The following BIN3 variants were observed in gnomAD, a reference collection of about 807,000 sequenced individuals.
BIN3 encodes bridging integrator 3.
In BIN3, 41 loss-of-function variants were observed where a neutral mutation model predicts 38.2. The ratio of observed to expected loss-of-function variants is 1.07; its 90% confidence interval spans 0.84 to 1.39. The LOEUF is 1.39. BIN3 is among the 40% of genes most tolerant of loss of function. The pLI is 0.00. For missense variants in BIN3, 361 were observed against 324.3 expected (o/e 1.11, Z -0.87); for synonymous variants, 145 against 122.6 (o/e 1.18, Z -1.21).
At chr8:22,654,834 C>T (rs1803006584) in intron 1 of BIN3, among the ~76,000 whole-genome samples, 1 of 152,150 alleles carries the variant, frequency 6.6e-6, no homozygotes, top group Non-Finnish European at 1.5e-5. Context: ...TTCTCTTGGG[C>T]ATATATCTAG....
chr8:22,643,151 A>T (rs1397411439), intron 2 of BIN3, among the ~76,000 whole-genome samples: 2 of 152,084 alleles, frequency 1.3e-5, no homozygotes, highest in East Asian at 3.9e-4. Flanking sequence ...CATGGATTAA[A>T]CTCTGGAGAC....
rs372090933 is a variant in BIN3 at position 22,630,499 on chromosome 8, G to A, written c.240C>T (p.Asn80=). 1.9e-6 allele frequency: 3 copies of A among 1,613,924 alleles called. No homozygotes were observed. The highest frequency in any genetic ancestry group is 2.5e-6 in the Non-Finnish European group (3 of 1,179,900). Residue 80 remains asparagine (N), a synonymous_variant, in exon 5 of 9, where the codon AAC becomes AAT. Transcript: ENST00000276416. ...PLCEQDQDLL[N]MVTALDTAMK... is the part of the protein sequence containing the mutation. ...TGGCCGTGTCCAGGGCCGTCACCATGTTCAGAAGGTCCTGGTCTTGCTCAC... is the reference window on the plus strand; with the variant it reads ...TGGCCGTGTCCAGGGCCGTCACCATATTCAGAAGGTCCTGGTCTTGCTCAC...
rs1289520021 is a variant in BIN3, at chr8:22,623,986, C to A, written c.544G>T (p.Glu182Ter). ...CGGCTGCCGTAGAAGCGCGGCATCT[C>A]CTCCAGCAGCTGCCTGTTCTTGGCT... is the stretch of plus-strand genomic sequence containing the variant. ...FEAKNRQLLE[E>*]MPRFYGSRLD... Residue 182 changes from glutamate (E) to a stop codon, truncating the protein, a stop_gained, in exon 8 of 9, where the codon GAG becomes TAG. Transcript: ENST00000276416. LOFTEE classifies it high-confidence loss of function. 6.2e-7 allele frequency: 1 copy of A among 1,612,762 alleles called. No individual in the cohort carries two copies.
intron 1 of BIN3, among the ~76,000 whole-genome samples, chr8:22,660,628 C>T (rs945028027): frequency 2.6e-5 from 4 of 152,082 alleles, no homozygotes; most frequent in East Asian, 1.9e-4. Context: ...GCGGGGGGCG[C>T]GGGCAAACGT....
intron 1 of BIN3, among the ~76,000 whole-genome samples, chr8:22,648,295 C>T (rs983378976): frequency 6.6e-6 from 1 of 152,122 alleles, no homozygotes; most frequent in African/African-American, 2.4e-5. Context: ...ATCCTTTCTT[C>T]AGACCTCCTC....
intron 3 of BIN3, 24 bp from the exon 4 acceptor site, chr8:22,636,610 T>G: frequency 7.7e-6 from 12 of 1,550,708 alleles, no homozygotes; most frequent in Non-Finnish European, 1.0e-5. Context: ...GACGGGCTGC[T>G]TGGGGTCCCC....
At chr8:22,659,208 C>T (rs1465323705) in intron 1 of BIN3, among the ~76,000 whole-genome samples, 1 of 152,202 alleles carries the variant, frequency 6.6e-6, no homozygotes. Context: ...AGGCGGAGAC[C>T]CCAGGAAAGA....
In BIN3 at chr8:22,636,809, C is replaced by T. The variant is rs1283453657; in HGVS notation, c.98+113G>A. On this transcript the variant is annotated intron_variant, in intron 3 of 8. Transcript: ENST00000276416. ...CCAGCAGCCTGGTGACCTGAGCTGCCCTCAGCTTCCAGGGTGCTCACGGGG... is the reference window on the plus strand; with the variant it reads ...CCAGCAGCCTGGTGACCTGAGCTGCTCTCAGCTTCCAGGGTGCTCACGGGG... 3 of 1,250,992 alleles carry T rather than the reference C, an allele frequency of 2.4e-6. No individual in the cohort carries two copies. The East Asian group carries it at 7.1e-5, about 30-fold the overall frequency. 77.5% of individuals were successfully genotyped at this position (1,250,992 alleles called of 1,614,324 possible).
chr8:22,654,150 G>T (rs1802986236), intron 1 of BIN3, among the ~76,000 whole-genome samples: 1 of 152,088 alleles, frequency 6.6e-6, no homozygotes, highest in Non-Finnish European at 1.5e-5. Flanking sequence ...GACTTTCTTG[G>T]AACTAAGTCA....
At chr8:22,668,354 G>A (rs1009895515) in intron 1 of BIN3, among the ~76,000 whole-genome samples, 5 of 152,150 alleles carry the variant, frequency 3.3e-5, no homozygotes, top group African/African-American at 4.8e-5. Flanking sequence ...GCAGCAACTG[G>A]AATTGTGACT....
intron 1 of BIN3, among the ~76,000 whole-genome samples, chr8:22,663,854 T>C (rs1330378450): frequency 6.6e-6 from 1 of 152,214 alleles, no homozygotes; most frequent in African/African-American, 2.4e-5. Flanking sequence ...TAAGTCAAGG[T>C]TCAGTTAAAA....
chr8:22,633,449 C>A (rs1301650306), intron 4 of BIN3, among the ~76,000 whole-genome samples: 1 of 152,188 alleles, frequency 6.6e-6, no homozygotes, highest in Admixed American at 6.5e-5. Flanking sequence ...GATCTTTGAA[C>A]CTTAGAGAAA....
In BIN3 at chr8:22,637,882, A is replaced by G. The variant is rs17088511; in HGVS notation, c.58-920T>C. ...TCACAGAGCCCTCACTGTGTGCTTT[A>G]CAAGAATGCAGTTCTCTACACTCAT... is the stretch of plus-strand genomic sequence containing the variant. On this transcript the variant is annotated intron_variant, in intron 2 of 8. Coordinates refer to ENST00000276416, the MANE Select transcript of BIN3 (RefSeq NM_018688.6). Among the ~76,000 whole-genome samples the G allele has an allele frequency of 9.1e-3, 1,385 of 152,268 alleles. 22 individuals carry two copies. The highest frequency in any genetic ancestry group is 0.031 in the African/African-American group (1,286 of 41,558).
At chr8:22,636,488 C>T (rs1388567753) in intron 4 of BIN3, 37 bp downstream of exon 4, 1 of 1,549,788 alleles carries the variant, frequency 6.5e-7, no homozygotes, top group Non-Finnish European at 8.7e-7. Context: ...TCTGCCCCAC[C>T]TGCTCAAGCG....
chr8:22,622,097 G>A (rs1053289605), intron 8 of BIN3, among the ~76,000 whole-genome samples: 1 of 152,228 alleles, frequency 6.6e-6, no homozygotes, highest in Admixed American at 6.5e-5. Flanking sequence ...CAGAGGCCAG[G>A]TTCACTGCCA....
intron 1 of BIN3, among the ~76,000 whole-genome samples, chr8:22,661,478 C>T (rs1183090607): frequency 6.7e-6 from 1 of 148,448 alleles, no homozygotes; most frequent in African/African-American, 2.5e-5. Flanking sequence ...CTGCCTCAGC[C>T]TCCCTAGTAG....
rs527526088 is a variant in BIN3 at position 22,631,569 on chromosome 8, C to A, written c.161-991G>T. Among the ~76,000 whole-genome samples the A allele has an allele frequency of 1.5e-4, 23 of 152,324 alleles. No individual in the cohort carries two copies. The South Asian group carries it at 2.7e-3, about 18-fold the overall frequency. On this transcript the variant is annotated intron_variant, in intron 4 of 8. Transcript: ENST00000276416. Reference sequence around the variant, plus strand: ...TTGTAATGCCTCCAAGGTCAAACGGCTGAGTGCGCCAGCCGGGCCCTGACC... The same window carrying A: ...TTGTAATGCCTCCAAGGTCAAACGGATGAGTGCGCCAGCCGGGCCCTGACC...
At chr8:22,637,656 A>T (rs1445177718) in intron 2 of BIN3, among the ~76,000 whole-genome samples, 1 of 152,214 alleles carries the variant, frequency 6.6e-6, no homozygotes, top group Non-Finnish European at 1.5e-5. Flanking sequence ...GAAGTCTAGT[A>T]CTTTCTTCTG....
intron 1 of BIN3, among the ~76,000 whole-genome samples, chr8:22,661,352 CTTTTTTTT>C (rs751194383): frequency 5.9e-4 from 50 of 84,452 alleles, no homozygotes; most frequent in Non-Finnish European, 9.5e-4. Flanking sequence ...ATGTATCATT[CTTTTTTTT>C]TTTTTTTTTT....
Sources: allele counts gnomAD v4.1 joint callset (sites outside exome capture counted in the v4.1 genomes callset), GRCh38; gene constraint gnomAD v4.1.1; transcripts MANE v1.5; gene names NCBI Gene and HGNC (gene_info 2026-07-23, HGNC 2026-07-21).